Variants in SMU1 observed in about 807,000 individuals in gnomAD.
SMU1 encodes the protein WD40 repeat-containing protein SMU1.
Under a neutral mutation model 62.0 loss-of-function variants are expected in SMU1, and 2 were observed. The observed-to-expected ratio is 0.03, with a 90% confidence interval of 0.01 to 0.10. The LOEUF (loss-of-function observed/expected upper bound fraction) is 0.10. SMU1 is among the 10% of genes least tolerant of loss of function. SMU1 has a pLI of 1.00. For missense variants in SMU1, 227 were observed against 622.1 expected, an observed-to-expected ratio of 0.36 and a Z score of 6.76; for synonymous variants, 188 against 212.4, an observed-to-expected ratio of 0.89 and a Z score of 1.00.
intron 9 of SMU1, among the ~76,000 whole-genome samples, chr9:33,055,893 A>C (rs1756446345): frequency 6.6e-6 from 1 of 152,176 alleles, no homozygotes; most frequent in South Asian, 2.1e-4. Flanking sequence ...ACACATGATA[A>C]AGTTTGTTTG....
In SMU1 at chr9:33,074,321, A is replaced by C. The variant is rs140201915; in HGVS notation, c.27-515T>G. Among the ~76,000 whole-genome samples the C allele has an allele frequency of 6.9e-3, 1,047 of 152,152 alleles. 5 individuals carry two copies. The highest frequency in any genetic ancestry group is 0.011 in the Non-Finnish European group (762 of 68,000). ...CTACAAATTTTTTTTTAAATTAGCC[A>C]AACATGGTGGCATGTGCCTGTAGTC... On this transcript the variant is annotated intron_variant, in intron 1 of 11. Coordinates refer to ENST00000397149, the MANE Select transcript of SMU1 (RefSeq NM_018225.3).
chr9:33,073,216 G>A (rs1483377172), intron 2 of SMU1, among the ~76,000 whole-genome samples: 1 of 152,024 alleles, frequency 6.6e-6, no homozygotes, highest in Non-Finnish European at 1.5e-5. Context: ...GGGTATTATG[G>A]TGAGATCCTG....
intron 1 of SMU1, among the ~76,000 whole-genome samples, chr9:33,075,602 A>ATT (rs1839536996): frequency 6.6e-6 from 1 of 152,194 alleles, no homozygotes; most frequent in Non-Finnish European, 1.5e-5. Flanking sequence ...CCCTACCTTC[A>ATT]AACAGAAATG....
At chr9:33,051,073 A>G (rs1260950548) in intron 10 of SMU1, among the ~76,000 whole-genome samples, 1 of 89,950 alleles carries the variant, frequency 1.1e-5, no homozygotes, top group Non-Finnish European at 2.6e-5. Context: ...GTGAGCCGAG[A>G]TCGCGCCACT....
rs1427455864 is a variant in SMU1, at chr9:33,042,004, AT to A, written c.*5288del. 5.3e-5 allele frequency: 8 copies of A among 152,338 alleles called. No individual in the cohort carries two copies. Among genetic ancestry groups the A allele is most frequent in the Admixed American group, 3.3e-4 (5 of 15,286 alleles). The allele number at this position is 152,338 out of a possible 1,614,324, so 9.4% of individuals were successfully genotyped here. ...TGTTTAGGGTGATGACATTTTGGAA[AT>A]ACAATAGTGGTTGCGTAACATCGTA... is the stretch of plus-strand genomic sequence containing the variant. On this transcript the variant is annotated 3_prime_UTR_variant, in exon 12 of 12. Transcript: ENST00000397149.
At position 33,048,177 on chromosome 9, in the gene SMU1, A is replaced by T; in HGVS notation, c.1372T>A (p.Tyr458Asn). 1 of 1,614,176 alleles carries T rather than the reference A, an allele frequency of 6.2e-7. No individual in the cohort carries two copies. Among genetic ancestry groups the T allele is most frequent in the Non-Finnish European group, 8.5e-7 (1 of 1,180,016 alleles). Residue 458 changes from tyrosine (Y) to asparagine (N), a missense_variant, in exon 11 of 12, where the codon TAC becomes AAC. Transcript: ENST00000397149. ...AGCACAAAGTCCTCCCCTACACAGT[A>T]GATCCATTCACCACGGGGAGAGAGG... Reference protein sequence around the residue: ...CALSPRGEWIYCVGEDFVLYC... With the variant: ...CALSPRGEWINCVGEDFVLYC...
At chr9:33,069,206 A>G (rs1254771235) in intron 3 of SMU1, among the ~76,000 whole-genome samples, 3 of 152,204 alleles carry the variant, frequency 2.0e-5, no homozygotes, top group Admixed American at 6.5e-5. Flanking sequence ...CAAAGGACAC[A>G]CTGCTATTTT....
intron 10 of SMU1, among the ~76,000 whole-genome samples, chr9:33,048,488 C>A (rs1839210538): frequency 6.6e-6 from 1 of 152,288 alleles, no homozygotes; most frequent in East Asian, 1.9e-4. Flanking sequence ...ATTCATACAT[C>A]CCACGTCACC....
chr9:33,064,881 T>C (rs10971378), intron 4 of SMU1, among the ~76,000 whole-genome samples: 29,496 of 152,080 alleles, frequency 0.19, 3,105 homozygotes, highest in Middle Eastern at 0.29. Context: ...TAACTGGGAT[T>C]ACAGGCGCAC....
At chr9:33,048,057 C>A in intron 11 of SMU1, 49 bp downstream of exon 11, 3 of 1,574,634 alleles carry the variant, frequency 1.9e-6, no homozygotes, top group Non-Finnish European at 1.7e-6. Context: ...TTCAGAAAGA[C>A]ACAAGTCCTA....
intron 4 of SMU1, among the ~76,000 whole-genome samples, chr9:33,067,496 C>G (rs1312629912): frequency 7.7e-6 from 1 of 129,684 alleles, no homozygotes; most frequent in Non-Finnish European, 1.7e-5. Flanking sequence ...AAGCAGCTTA[C>G]TTTTTTTTTT....
chr9:33,050,604 C>A (rs900257096), intron 10 of SMU1, among the ~76,000 whole-genome samples: 4 of 145,884 alleles, frequency 2.7e-5, no homozygotes, highest in Middle Eastern at 4.1e-3. Context: ...GAGGCGAGTG[C>A]ATCACGAGGT....
In SMU1 at chr9:33,057,676, C is replaced by A. The variant is rs765920904; in HGVS notation, c.789G>T (p.Met263Ile). The change falls in exon 7 of 12, where the codon ATG becomes ATT. Residue 263 changes from methionine to isoleucine, a missense_variant. Physicochemically the swap from Met to Ile is conservative, Grantham distance 10 (BLOSUM62 1). This residue lies in a region of SMU1 where 98 missense variants were observed against 195.9 expected (regional missense o/e 0.50). Coordinates refer to ENST00000397149, the MANE Select transcript of SMU1 (RefSeq NM_018225.3). The part of the protein sequence containing the change: ...KYQAQDNFMM[M>I]DDAVLCMCFS... ...AACACATGCAGAGGACAGCATCATC[C>A]ATCATCATAAAGTTATCTTGGGCCT... The A allele has an allele frequency of 6.2e-7, 1 of 1,613,768 alleles. No homozygotes were observed. Among genetic ancestry groups the A allele is most frequent in the African/African-American group, 1.3e-5 (1 of 74,892 alleles).
At chr9:33,074,174 T>A (rs1839515978) in intron 1 of SMU1, among the ~76,000 whole-genome samples, 1 of 152,142 alleles carries the variant, frequency 6.6e-6, no homozygotes, top group Non-Finnish European at 1.5e-5. Context: ...CAAAATAATC[T>A]AAATGAGGTT....
At position 33,053,168 on chromosome 9, in the gene SMU1, C is replaced by T. The variant is rs935294321; in HGVS notation, c.1245G>A (p.Val415=). Residue 415 remains valine (V), a synonymous_variant, in exon 10 of 12, where the codon GTG becomes GTA. Coordinates refer to ENST00000397149, the MANE Select transcript of SMU1 (RefSeq NM_018225.3). ...LLPKNPEHFV[V]CNRSNTVVIM... ...TGACCACCGTGTTTGATCTGTTGCA[C>T]ACCACAAAGTGCTCAGGGTTTTTAG... The T allele has an allele frequency of 1.2e-6, 2 of 1,612,266 alleles. No homozygotes were observed. Among genetic ancestry groups the T allele is most frequent in the Admixed American group, 1.7e-5 (1 of 60,024 alleles).
At chr9:33,069,046 T>A in intron 3 of SMU1, 112 bp from the exon 4 acceptor site, 1 of 1,399,708 alleles carries the variant, frequency 7.1e-7, no homozygotes, top group Non-Finnish European at 9.4e-7. Context: ...TGAAAAGAAA[T>A]TACCCAGTTA....
At position 33,068,915 on chromosome 9, in the gene SMU1, C is replaced by T; in HGVS notation, c.410G>A (p.Ser137Asn). ...DPREAYPDGS[S>N]KEKRRAAIAQ... ...AATTGCTGCTCTTCTCTTTTCTTTG[C>T]TACTTCCATCTGGGTATGCCTGAAA... is the stretch of plus-strand genomic sequence containing the variant. Residue 137 changes from serine (S) to asparagine (N), a missense_variant, in exon 4 of 12, where the codon AGC becomes AAC. By Grantham distance (46) the Ser-to-Asn change is conservative (BLOSUM62 1). Transcript: ENST00000397149. The T allele has an allele frequency of 6.2e-7, 1 of 1,614,100 alleles. No individual in the cohort carries two copies. Among genetic ancestry groups the T allele is most frequent in the Non-Finnish European group, 8.5e-7 (1 of 1,180,014 alleles).
intron 6 of SMU1, among the ~76,000 whole-genome samples, chr9:33,058,983 G>T (rs965664626): frequency 6.6e-6 from 1 of 152,080 alleles, no homozygotes; most frequent in Admixed American, 6.6e-5. Flanking sequence ...ACTTCATAGT[G>T]TAAGAAATAT....
chr9:33,067,718 C>T (rs781001422), intron 4 of SMU1, among the ~76,000 whole-genome samples: 1 of 151,966 alleles, frequency 6.6e-6, no homozygotes, highest in African/African-American at 2.4e-5. Flanking sequence ...AGGCTCATCT[C>T]GAGCCCCTGA....
Sources: gnomAD v4.1 joint callset for allele counts (sites outside exome capture counted in the v4.1 genomes callset) on GRCh38, gnomAD v4.1.1 for gene constraint, gnomAD v4.1.1 regional missense constraint, MANE v1.5 for transcripts, NCBI Gene and HGNC (gene_info 2026-07-23, HGNC 2026-07-21) for gene names.